Variants in GLIS3 observed in about 807,000 individuals in gnomAD.
GLIS3 encodes the protein zinc finger protein GLIS3.
A neutral mutation model predicts 78.6 loss-of-function variants in GLIS3; 53 were observed. That is an observed-to-expected ratio of 0.67 (90% CI 0.54 to 0.85). The LOEUF (loss-of-function observed/expected upper bound fraction) is 0.85, where lower values mean the gene tolerates loss of function less well. GLIS3 is among the 40% of genes least tolerant of loss of function. The pLI, the probability that GLIS3 is intolerant of heterozygous loss-of-function variation, is 0.00. For missense variants in GLIS3, 1,703 were observed against 1,231.1 expected (o/e 1.38, Z -5.74); for synonymous variants, 684 against 509.9 (o/e 1.34, Z -4.60).
At chr9:3,865,922 C>A (rs1433286627) in intron 8 of GLIS3, among the ~76,000 whole-genome samples, 1 of 152,172 alleles carries the variant, frequency 6.6e-6, no homozygotes, top group African/African-American at 2.4e-5. Context: ...GGATAAAAAT[C>A]TGATATAACA....
intron 2 of GLIS3, among the ~76,000 whole-genome samples, chr9:4,273,523 T>C (rs377540144): frequency 3.4e-4 from 52 of 151,944 alleles, no homozygotes; most frequent in African/African-American, 1.3e-3. Flanking sequence ...AGCCCAGGAG[T>C]TTGAGGCTGC....
At position 3,977,617 on chromosome 9, in the gene GLIS3, G is replaced by T. The variant is rs1331576258; in HGVS notation, c.1711-40428C>A. ...TTTTCAATAACAAATCTGTCACTCC[G>T]ATTTTAATTAGACGGCTTAAAGCAG... On this transcript the variant is annotated intron_variant, in intron 4 of 10. Coordinates refer to ENST00000381971, the MANE Select transcript of GLIS3 (RefSeq NM_001042413.2). The surrounding 1 kb of genome is among the most constrained non-coding windows in gnomAD (Gnocchi z 4.1). 6.6e-6 allele frequency among the ~76,000 whole-genome samples: 1 copy of T among 152,114 alleles called. No individual in the cohort carries two copies. Among genetic ancestry groups the T allele is most frequent in the Admixed American group, 6.5e-5 (1 of 15,278 alleles).
the GLIS3 span, among the ~76,000 whole-genome samples, chr9:4,476,614 A>G: frequency 6.6e-6 from 1 of 152,086 alleles, no homozygotes; most frequent in Admixed American, 6.6e-5. Flanking sequence ...CACTCACCTC[A>G]GCCTCCCTAA....
chr9:4,256,066 G>A (rs10739039), intron 2 of GLIS3, among the ~76,000 whole-genome samples: 87,738 of 151,774 alleles, frequency 0.58, 26,201 homozygotes, highest in East Asian at 0.74. Flanking sequence ...TAACAAACTT[G>A]CCCAAGCCCT....
chr9:4,230,345 G>T lies in GLIS3; in HGVS notation c.388+55693C>A, dbSNP rs1587063184. ...GCAGGGGCAACAGAGAACTGGACTT[G>T]CGAGGGGTATGAGAACCCAAACTAC... On this transcript the variant is annotated intron_variant, in intron 2 of 10. Transcript: ENST00000381971. Among the ~76,000 whole-genome samples the T allele has an allele frequency of 3.9e-5, 6 of 152,332 alleles. No homozygotes were observed. In the South Asian group the frequency reaches 1.2e-3, roughly 32 times the overall value.
chr9:3,962,301 T>G, intron 4 of GLIS3, among the ~76,000 whole-genome samples: 1 of 151,952 alleles, frequency 6.6e-6, no homozygotes, highest in East Asian at 1.9e-4. Context: ...CAACCCTAAA[T>G]AGAACTGAGT....
intron 7 of GLIS3, among the ~76,000 whole-genome samples, chr9:3,885,472 C>T (rs1396226452): frequency 6.6e-6 from 1 of 152,204 alleles, no homozygotes; most frequent in Non-Finnish European, 1.5e-5. Flanking sequence ...TACCCACACA[C>T]TGTGAATTCA....
At chr9:4,125,657 T>TGTGTGTG in intron 3 of GLIS3, 77 bp downstream of exon 3, 1 of 969,942 alleles carries the variant, frequency 1.0e-6, no homozygotes, top group South Asian at 1.3e-5. Context: ...TGTGTGTGTA[T>TGTGTGTG]TCAGAAAGAG....
chr9:4,079,617 C>T (rs1828378670), intron 4 of GLIS3, among the ~76,000 whole-genome samples: 1 of 152,130 alleles, frequency 6.6e-6, no homozygotes, highest in African/African-American at 2.4e-5. Context: ...TGCCTTTATC[C>T]CCAAGCATGT....
intron 2 of GLIS3, among the ~76,000 whole-genome samples, chr9:4,249,912 G>A (rs960446705): frequency 6.6e-6 from 1 of 152,162 alleles, no homozygotes; most frequent in African/African-American, 2.4e-5. Context: ...TTTATGTGAT[G>A]GATTACATTT....
intron 4 of GLIS3, among the ~76,000 whole-genome samples, chr9:4,089,723 G>A (rs1174344123): frequency 1.3e-5 from 2 of 152,070 alleles, no homozygotes; most frequent in Non-Finnish European, 2.9e-5. Flanking sequence ...GGAGGCTGAG[G>A]TGGGAGGATC....
At chr9:4,237,076 A>G (rs1822831595) in intron 2 of GLIS3, among the ~76,000 whole-genome samples, 1 of 138,684 alleles carries the variant, frequency 7.2e-6, no homozygotes, top group African/African-American at 2.5e-5. Flanking sequence ...AAAGCAATTT[A>G]GCAATAAGTA....
At chr9:4,400,364 G>A in the GLIS3 span, among the ~76,000 whole-genome samples, 1 of 150,770 alleles carries the variant, frequency 6.6e-6, no homozygotes, top group East Asian at 2.0e-4. Context: ...AGCTCTTTAT[G>A]AAGTTGTAAA....
intron 4 of GLIS3, among the ~76,000 whole-genome samples, chr9:4,059,991 C>T (rs1382101475): frequency 6.6e-6 from 1 of 152,022 alleles, no homozygotes; most frequent in African/African-American, 2.4e-5. Flanking sequence ...TGAATCAGAA[C>T]CTTACCCCTA....
At chr9:4,314,703 C>G (rs1817412945) in intron 2 of GLIS3, among the ~76,000 whole-genome samples, 1 of 152,190 alleles carries the variant, frequency 6.6e-6, no homozygotes, top group Admixed American at 6.5e-5. Flanking sequence ...AAAAAGAACA[C>G]TGATTTTTCT....
rs770074342 is a variant in GLIS3 at position 4,118,792 on chromosome 9, T to G, written c.686A>C (p.Gln229Pro). The G allele has an allele frequency of 5.0e-6, 8 of 1,611,448 alleles. No individual in the cohort carries two copies. The South Asian group carries it at 8.8e-5, about 18-fold the overall frequency. ...SASSMKQEWS[Q>P]GYRALPSLSN... ...GAGCGAAGGGAGGGCCCTGTAGCCCTGGGACCACTCCTGCTTCATGCTTGA... is the reference window on the plus strand; with the variant it reads ...GAGCGAAGGGAGGGCCCTGTAGCCCGGGGACCACTCCTGCTTCATGCTTGA... Residue 229 changes from glutamine to proline, a missense_variant, in exon 4 of 11, where the codon CAG (glutamine) becomes CCG (proline). Physicochemically the swap from Gln to Pro is moderately conservative, Grantham distance 76. Coordinates refer to ENST00000381971, the MANE Select transcript of GLIS3 (RefSeq NM_001042413.2). This position sits in a 1 kb window ranked among gnomAD's most constrained non-coding sequence, Gnocchi z 4.7.
Position 4,013,206 on chromosome 9 carries a change from C to G in GLIS3, c.1711-76017G>C, listed in dbSNP as rs536374459. 1.4e-3 allele frequency among the ~76,000 whole-genome samples: 215 copies of G among 152,250 alleles called. 1 individual carries two copies. Among genetic ancestry groups the G allele is most frequent in the African/African-American group, 5.1e-3 (210 of 41,522 alleles). On this transcript the variant is annotated intron_variant, in intron 4 of 10. Coordinates refer to ENST00000381971, the MANE Select transcript of GLIS3 (RefSeq NM_001042413.2). Reference sequence around the variant, plus strand: ...CCCACATCCCCAACCTCCCAAAAACCAGTGCATCCACTTCCCAGAGGAAGA... The same window carrying G: ...CCCACATCCCCAACCTCCCAAAAACGAGTGCATCCACTTCCCAGAGGAAGA...
the GLIS3 span, among the ~76,000 whole-genome samples, chr9:4,397,065 T>G: frequency 1.0e-2 from 1,373 of 137,306 alleles, 10 homozygotes; most frequent in African/African-American, 0.018. Flanking sequence ...TCGCTCTGTC[T>G]CCCAGGCTGG....
chr9:3,839,212 G>T (rs1818563532), intron 9 of GLIS3, among the ~76,000 whole-genome samples: 2 of 152,148 alleles, frequency 1.3e-5, no homozygotes, highest in Admixed American at 1.3e-4. Flanking sequence ...CCAATACTTT[G>T]TTTATATGAT....
Sources: gnomAD v4.1 joint callset for allele counts (sites outside exome capture counted in the v4.1 genomes callset) on GRCh38, gnomAD v4.1.1 for gene constraint, Gnocchi (gnomAD v3.1) non-coding constraint, MANE v1.5 for transcripts, NCBI Gene and HGNC (gene_info 2026-07-23, HGNC 2026-07-21) for gene names.